The following TNFAIP3 variants were observed in gnomAD, a reference collection of about 807,000 sequenced individuals.
The protein encoded by TNFAIP3 is TNF alpha induced protein 3.
TNFAIP3 carries 9 observed loss-of-function variants against 72.4 expected under a neutral mutation model. The observed-to-expected ratio is 0.12, with a 90% CI of 0.07 to 0.22. The LOEUF is 0.22. TNFAIP3 is among the 10% of genes least tolerant of loss of function. The pLI is 1.00. For missense variants in TNFAIP3, 833 were observed against 1,018.7 expected (o/e 0.82, Z 2.48); for synonymous variants, 339 against 372.6 (o/e 0.91, Z 1.04).
intron 2 of TNFAIP3, among the ~76,000 whole-genome samples, chr6:137,873,105 A>T (rs1776115768): frequency 6.6e-6 from 1 of 152,202 alleles, no homozygotes; most frequent in African/African-American, 2.4e-5. Context: ...TCATTTTTAG[A>T]CTCAGAGTCC....
At chr6:137,869,332 T>C (rs1775959770) in intron 1 of TNFAIP3, among the ~76,000 whole-genome samples, 1 of 147,684 alleles carries the variant, frequency 6.8e-6, no homozygotes, top group Middle Eastern at 3.4e-3. Context: ...GGTGGATGGA[T>C]GGATAGATGG....
In TNFAIP3 at chr6:137,880,312, G is replaced by A. The variant is rs374703901; in HGVS notation, c.2088+60G>A. On this transcript the variant is annotated intron_variant, in intron 8 of 8. Transcript: ENST00000612899. The stretch of plus-strand genomic sequence containing the variant: ...TGTGTTCGATGCTTTTTGCTGGAGC[G>A]TTTTCTACCGACAGTGACAAGCAGG... 1.7e-4 allele frequency: 265 copies of A among 1,569,380 alleles called. 12 individuals are homozygous for A. The highest frequency in any genetic ancestry group is 7.2e-4 in the East Asian group (32 of 44,632).
chr6:137,876,197 A>T (rs1167183074), intron 5 of TNFAIP3, 31 bp downstream of exon 5: 1 of 1,562,780 alleles, frequency 6.4e-7, no homozygotes, highest in Admixed American at 1.8e-5. Flanking sequence ...CACATCTATA[A>T]CTAGACACTG....
At chr6:137,873,389 C>A (rs746524574) in intron 2 of TNFAIP3, among the ~76,000 whole-genome samples, 1 of 152,148 alleles carries the variant, frequency 6.6e-6, no homozygotes, top group African/African-American at 2.4e-5. Context: ...AAAATTCCAG[C>A]GTCTATTGGC....
At chr6:137,870,782 T>G (rs1460721904) in intron 1 of TNFAIP3, among the ~76,000 whole-genome samples, 1 of 152,150 alleles carries the variant, frequency 6.6e-6, no homozygotes, top group Admixed American at 6.5e-5. Flanking sequence ...AGCTACAGAC[T>G]TGTCAGGGCT....
rs1292027892 is a variant in TNFAIP3 at position 137,871,029 on chromosome 6, CAG to C, written c.-15-183_-15-182del. Among the ~76,000 whole-genome samples, 1 of 152,202 alleles carries C rather than the reference CAG, an allele frequency of 6.6e-6. No individual in the cohort carries two copies. Among genetic ancestry groups the C allele is most frequent in the Admixed American group, 6.5e-5 (1 of 15,284 alleles). On this transcript the variant is annotated intron_variant, in intron 1 of 8. Transcript: ENST00000612899. The surrounding 1 kb of genome is among the most constrained non-coding windows in gnomAD (Gnocchi z 4.2). ...TCTTTTAAAGTGATGTAACTTAAAA[CAG>C]TCCAGTGTGAGTTAATCTCTGGGGC...
chr6:137,883,012 C>CT lies in TNFAIP3; in HGVS notation c.*1693_*1694insT, dbSNP rs1776512314. The CT allele has an allele frequency of 4.5e-6, 1 of 222,070 alleles. No homozygotes were observed. The highest frequency in any genetic ancestry group is 2.2e-5 in the African/African-American group (1 of 44,656). The allele number at this position is 222,070 out of a possible 1,614,324, so 13.8% of individuals were successfully genotyped here. The stretch of plus-strand genomic sequence containing the variant: ...TATTAGGCACACTTTCCCCTTAGAG[C>CT]CCCCTAAGTTTTTCCCAGACGAATC... On this transcript the variant is annotated 3_prime_UTR_variant, in exon 9 of 9. Coordinates refer to ENST00000612899, the MANE Select transcript of TNFAIP3 (RefSeq NM_001270508.2).
chr6:137,880,101 C>T lies in TNFAIP3; in HGVS notation c.1937C>T (p.Pro646Leu), dbSNP rs764569875. The T allele has an allele frequency of 6.2e-7, 1 of 1,614,036 alleles. No homozygotes were observed. The highest frequency in any genetic ancestry group is 8.5e-7 in the Non-Finnish European group (1 of 1,180,002). Residue 646 changes from proline (P) to leucine (L), a missense_variant, in exon 8 of 9, where the codon CCC (proline) becomes CTC (leucine). Physicochemically the swap from Pro to Leu is moderately conservative, Grantham distance 98. Around this residue, in one of 2 missense-constraint regions of TNFAIP3, gnomAD observed 587 missense variants for 657.8 expected, o/e 0.89. Coordinates refer to ENST00000612899, the MANE Select transcript of TNFAIP3 (RefSeq NM_001270508.2). Reference protein sequence around the residue: ...HFAAASGKVSPTASRFQNTIP... With the variant: ...HFAAASGKVSLTASRFQNTIP... ...GCTGCTGCCTCAGGGAAAGTCAGTC[C>T]CACAGCGTCCAGGTTCCAGAACACC...
intron 8 of TNFAIP3, 33 bp downstream of exon 8, chr6:137,880,285 C>G (rs371423151): frequency 6.2e-7 from 1 of 1,610,638 alleles, no homozygotes; most frequent in Non-Finnish European, 8.5e-7. Flanking sequence ...CCCTCCCTCC[C>G]GTGTGTTCGA....
chr6:137,876,531 C>T (rs540589501), intron 5 of TNFAIP3, among the ~76,000 whole-genome samples: 125 of 152,298 alleles, frequency 8.2e-4, no homozygotes, highest in African/African-American at 2.9e-3. Context: ...TTGCAGCCTC[C>T]ACCCCCTGGG....
chr6:137,869,445 G>A (rs1355966323), intron 1 of TNFAIP3, among the ~76,000 whole-genome samples: 2 of 152,094 alleles, frequency 1.3e-5, no homozygotes, highest in Non-Finnish European at 2.9e-5. Context: ...CAAAGGAAAG[G>A]TATATGTGTT....
intron 4 of TNFAIP3, 51 bp downstream of exon 4, chr6:137,875,886 G>A: frequency 6.2e-7 from 1 of 1,609,100 alleles, no homozygotes; most frequent in Non-Finnish European, 8.5e-7. Context: ...TCAGCCTTAT[G>A]CCTTGGCTCC....
intron 3 of TNFAIP3, 76 bp from the exon 4 acceptor site, chr6:137,875,612 A>C (rs554058322): frequency 3.3e-6 from 5 of 1,501,042 alleles, no homozygotes; most frequent in African/African-American, 1.4e-5. Context: ...ATAATTGTAG[A>C]GTGATGTCAG....
Position 137,875,820 on chromosome 6 carries a change from A to G in TNFAIP3, c.619A>G (p.Ile207Val), listed in dbSNP as rs141807543. The change falls in exon 4 of 9, where the codon ATC becomes GTC. Residue 207 changes from isoleucine to valine, a missense_variant. By Grantham distance (29) the Ile-to-Val change is conservative. Coordinates refer to ENST00000612899, the MANE Select transcript of TNFAIP3 (RefSeq NM_001270508.2). Reference sequence around the variant, plus strand: ...CCTTTGCAACATCCTCAGAAGGCCAATCATTGTCATTTCAGGTGAGATGCC... The same window carrying G: ...CCTTTGCAACATCCTCAGAAGGCCAGTCATTGTCATTTCAGGTGAGATGCC... ...FVLCNILRRP[I>V]IVISDKMLRS... 6.2e-7 allele frequency: 1 copy of G among 1,614,098 alleles called. No individual in the cohort carries two copies. The highest frequency in any genetic ancestry group is 8.5e-7 in the Non-Finnish European group (1 of 1,180,048).
rs769959321 is a variant in TNFAIP3, at chr6:137,877,128, A to G, written c.858A>G (p.Leu286=). 67 of 1,613,840 alleles carry G rather than the reference A, an allele frequency of 4.2e-5. No homozygotes were observed. Among genetic ancestry groups the G allele is most frequent in the Non-Finnish European group, 5.6e-5 (66 of 1,179,902 alleles). The change falls in exon 6 of 9, where the codon TTA becomes TTG. Residue 286 remains leucine (L), a synonymous_variant. Transcript: ENST00000612899. ...GAGACCGGGGAAGATTTGAAGACTT[A>G]AAAGTTCACTTTTTGACAGATCCTG... The part of the protein sequence containing the change: ...VNRDRGRFED[L]KVHFLTDPEN...
chr6:137,870,898 T>C (rs1275016612), intron 1 of TNFAIP3, among the ~76,000 whole-genome samples: 3 of 152,212 alleles, frequency 2.0e-5, no homozygotes, highest in Non-Finnish European at 4.4e-5. Flanking sequence ...GCAGTACCTG[T>C]TGCTGACAGA....
Position 137,882,881 on chromosome 6 carries a change from AGGG to A in TNFAIP3, c.*1564_*1566del. The A allele has an allele frequency of 4.4e-6, 1 of 226,310 alleles. No homozygotes were observed. The highest frequency in any genetic ancestry group is 6.3e-5 in the East Asian group (1 of 15,834). The allele number at this position is 226,310 out of a possible 1,614,324, so 14.0% of individuals were successfully genotyped here. A position where few individuals can be genotyped will look rare whatever the true frequency, so the allele number is the denominator to read the frequency against. On this transcript the variant is annotated 3_prime_UTR_variant, in exon 9 of 9. Coordinates refer to ENST00000612899, the MANE Select transcript of TNFAIP3 (RefSeq NM_001270508.2). ...TGCTCTAGAAGAAAAAAAAAAAAGG[AGGG>A]GAAATGCATTTTCCCCAGAGATAAA...
chr6:137,883,162 T>C lies in TNFAIP3; in HGVS notation c.*1843T>C, dbSNP rs1276846230. On this transcript the variant is annotated 3_prime_UTR_variant, in exon 9 of 9. Coordinates refer to ENST00000612899, the MANE Select transcript of TNFAIP3 (RefSeq NM_001270508.2). ...TTCTTAATGTGAAAAAAAGTAATTA[T>C]TTATACTTATTATAAAAAGTATTTG... 2 of 202,550 alleles carry C rather than the reference T, an allele frequency of 9.9e-6. No individual in the cohort carries two copies. The highest frequency in any genetic ancestry group is 2.0e-5 in the Non-Finnish European group (2 of 99,232). 12.5% of individuals were successfully genotyped at this position (202,550 alleles called of 1,614,324 possible). A position where few individuals can be genotyped will look rare whatever the true frequency, so the allele number is the denominator to read the frequency against.
chr6:137,869,128 C>T (rs1775947999), intron 1 of TNFAIP3, among the ~76,000 whole-genome samples: 1 of 152,202 alleles, frequency 6.6e-6, no homozygotes, highest in South Asian at 2.1e-4. Context: ...AAAGACCTGG[C>T]TCCTAGGCAA....
Sources: gnomAD v4.1 joint callset for allele counts (sites outside exome capture counted in the v4.1 genomes callset) on GRCh38, gnomAD v4.1.1 for gene constraint, gnomAD v4.1.1 regional missense constraint, Gnocchi (gnomAD v3.1) non-coding constraint, MANE v1.5 for transcripts, NCBI Gene and HGNC (gene_info 2026-07-23, HGNC 2026-07-21) for gene names.